P3H2: variants seen among roughly 807,000 people sequenced by gnomAD.
P3H2 encodes the protein leprecan-like 1.
In P3H2, 80 loss-of-function variants were observed where a neutral mutation model predicts 87.0. The observed-to-expected ratio is 0.92, with a 90% CI of 0.77 to 1.11. P3H2 has a LOEUF of 1.11. Among genes scored for constraint, P3H2 ranks in the 50% least tolerant of loss-of-function variants. P3H2 has a pLI of 0.00. For synonymous variants in P3H2, 367 were observed against 359.3 expected (o/e 1.02, Z -0.24); for missense variants, 1,001 against 923.9 (o/e 1.08, Z -1.08).
At position 189,971,958 on chromosome 3, in the gene P3H2, G is replaced by A; in HGVS notation, c.1749C>T (p.Asn583=). The A allele has an allele frequency of 3.1e-6, 5 of 1,613,928 alleles. No individual in the cohort carries two copies. The highest frequency in any genetic ancestry group is 4.2e-6 in the Non-Finnish European group (5 of 1,179,836). The change falls in exon 12 of 15, where the codon AAC becomes AAT. Residue 583 remains asparagine, a synonymous_variant. Coordinates refer to ENST00000319332, the MANE Select transcript of P3H2 (RefSeq NM_018192.4). ...NDLSHPIHAD[N]CLLDPEANEC... ...CGTTGGCCTCTGGATCCAACAAACA[G>A]TTGTCAGCATGGATGGGATGACTGA...
rs112951235 is a variant in P3H2 at position 190,025,857 on chromosome 3, A to G, written c.481-30415T>C. Reference sequence around the variant, plus strand: ...GTAAATCAAGAGCAGAATCCTGACCATGGACCAAAAAAAAATTTTTTTTGA... The same window carrying G: ...GTAAATCAAGAGCAGAATCCTGACCGTGGACCAAAAAAAAATTTTTTTTGA... On this transcript the variant is annotated intron_variant, in intron 1 of 14. Transcript: ENST00000319332. Among the ~76,000 whole-genome samples the G allele has an allele frequency of 2.9e-3, 435 of 152,330 alleles. 3 individuals are homozygous for G. Among genetic ancestry groups the G allele is most frequent in the African/African-American group, 9.9e-3 (410 of 41,578 alleles).
intron 1 of P3H2, among the ~76,000 whole-genome samples, chr3:190,031,745 C>A (rs1393256752): frequency 8.6e-5 from 13 of 150,674 alleles, no homozygotes; most frequent in South Asian, 2.1e-4. Context: ...GATAAATTTG[C>A]AAAAAAAATG....
intron 1 of P3H2, among the ~76,000 whole-genome samples, chr3:190,070,174 C>A (rs1436860354): frequency 2.6e-5 from 4 of 152,012 alleles, no homozygotes; most frequent in Non-Finnish European, 5.9e-5. Context: ...GGGATTTAGT[C>A]AAAAATGTTG....
chr3:190,079,669 C>T (rs186542157), intron 1 of P3H2, among the ~76,000 whole-genome samples: 139 of 152,234 alleles, frequency 9.1e-4, no homozygotes, highest in Non-Finnish European at 1.7e-3. Context: ...GAGTACCTAA[C>T]ACCACCACAC....
intron 10 of P3H2, among the ~76,000 whole-genome samples, chr3:189,973,383 TAA>T (rs1560342919): frequency 6.6e-6 from 1 of 152,158 alleles, no homozygotes; most frequent in African/African-American, 2.4e-5. Context: ...TCAGGAAATG[TAA>T]AGTTTGATAA....
intron 2 of P3H2, among the ~76,000 whole-genome samples, chr3:189,994,875 C>T (rs1174552755): frequency 6.6e-6 from 1 of 151,902 alleles, no homozygotes; most frequent in African/African-American, 2.4e-5. Context: ...AACCACTGGA[C>T]TGGGAGCTGG....
At chr3:190,084,989 T>G (rs936750464) in intron 1 of P3H2, among the ~76,000 whole-genome samples, 4 of 152,064 alleles carry the variant, frequency 2.6e-5, no homozygotes, top group Admixed American at 6.6e-5. Context: ...ACTATAAAGC[T>G]TTCAGATAAA....
At chr3:190,076,165 A>C (rs74733348) in intron 1 of P3H2, among the ~76,000 whole-genome samples, 3 of 151,736 alleles carry the variant, frequency 2.0e-5, no homozygotes, top group South Asian at 2.1e-4. Flanking sequence ...AAAAAAAAAA[A>C]CCACCAAACA....
intron 1 of P3H2, among the ~76,000 whole-genome samples, chr3:190,006,921 G>C (rs888766543): frequency 6.6e-6 from 1 of 152,066 alleles, no homozygotes; most frequent in Non-Finnish European, 1.5e-5. Flanking sequence ...AAGGTGAGTT[G>C]TTTTGCTTTT....
At chr3:190,070,501 C>T (rs1726665730) in intron 1 of P3H2, among the ~76,000 whole-genome samples, 1 of 152,110 alleles carries the variant, frequency 6.6e-6, no homozygotes, top group Non-Finnish European at 1.5e-5. Context: ...CCAGGGTCAT[C>T]TAGCCATGAA....
chr3:189,990,462 G>A (rs9851100), intron 3 of P3H2, among the ~76,000 whole-genome samples: 43,457 of 149,542 alleles, frequency 0.29, 6,778 homozygotes, highest in East Asian at 0.49. Flanking sequence ...AGGTAAAGGC[G>A]AAAGATACCC....
chr3:190,064,534 T>G (rs909761789), intron 1 of P3H2, among the ~76,000 whole-genome samples: 2 of 152,138 alleles, frequency 1.3e-5, no homozygotes, highest in Admixed American at 1.3e-4. Flanking sequence ...ACATCTGATG[T>G]ACATTTCCAG....
chr3:190,106,436 G>T (rs146983211), intron 1 of P3H2, among the ~76,000 whole-genome samples: 111 of 152,040 alleles, frequency 7.3e-4, no homozygotes, highest in African/African-American at 2.5e-3. Flanking sequence ...TGTTATAGAT[G>T]TAATTATTTT....
At position 189,975,931 on chromosome 3, in the gene P3H2, C is replaced by CTA. The variant is rs545991959; in HGVS notation, c.1325-1248_1325-1247dup. On this transcript the variant is annotated intron_variant, in intron 8 of 14. Transcript: ENST00000319332. ...AATTATTTTCACTCTAATTTTACTT[C>CTA]TATATATGCAATCATAAAACTATGT... Among the ~76,000 whole-genome samples the CTA allele has an allele frequency of 1.6e-3, 241 of 152,302 alleles. 3 individuals carry two copies. The highest frequency in any genetic ancestry group is 3.4e-3 in the Middle Eastern group (1 of 294).
chr3:189,990,196 T>C (rs1312143706), intron 3 of P3H2, among the ~76,000 whole-genome samples: 1 of 152,202 alleles, frequency 6.6e-6, no homozygotes, highest in Non-Finnish European at 1.5e-5. Context: ...TTTGTATAAC[T>C]TGGCTAACTG....
chr3:190,009,884 C>A (rs1312171547), intron 1 of P3H2, among the ~76,000 whole-genome samples: 1 of 152,106 alleles, frequency 6.6e-6, no homozygotes, highest in Non-Finnish European at 1.5e-5. Context: ...TTGCTCCTTG[C>A]CCCATGTGAG....
intron 1 of P3H2, among the ~76,000 whole-genome samples, chr3:190,051,522 A>G (rs1183847867): frequency 6.6e-6 from 1 of 152,192 alleles, no homozygotes; most frequent in African/African-American, 2.4e-5. Context: ...AGAAGAGCCA[A>G]TTTTTACAAG....
intron 1 of P3H2, among the ~76,000 whole-genome samples, chr3:190,113,743 G>A (rs987581460): frequency 3.3e-5 from 5 of 152,112 alleles, no homozygotes; most frequent in African/African-American, 1.2e-4. Flanking sequence ...TCTGAGAGAC[G>A]AGGTCTATGA....
intron 4 of P3H2, 27 bp from the exon 5 acceptor site, chr3:189,987,696 A>G (rs1723750636): frequency 1.9e-6 from 3 of 1,613,928 alleles, no homozygotes; most frequent in Non-Finnish European, 8.5e-7. Flanking sequence ...TTGCAGCATT[A>G]GAGTCAGCCT....
Sources: gnomAD v4.1 joint callset for allele counts (sites outside exome capture counted in the v4.1 genomes callset) on GRCh38, gnomAD v4.1.1 for gene constraint, MANE v1.5 for transcripts, NCBI Gene and HGNC (gene_info 2026-07-23, HGNC 2026-07-21) for gene names.